The following RGS7 variants were observed in gnomAD, a reference collection of about 807,000 sequenced individuals.
RGS7 encodes regulator of G-protein signaling 7.
RGS7 carries 27 observed loss-of-function variants against 81.1 expected under a neutral mutation model. That is an observed-to-expected ratio of 0.33 (90% CI 0.25 to 0.46). RGS7 has a LOEUF of 0.46. Ranked by LOEUF, RGS7 falls within the 20% of genes least tolerant of loss-of-function variation. RGS7 has a pLI of 1.00. For missense variants in RGS7, 396 were observed against 607.4 expected (o/e 0.65, Z 3.66); for synonymous variants, 208 against 207.7 (o/e 1.00, Z -0.01).
In RGS7 at chr1:240,875,042, CAAAACAA is replaced by C. The variant is rs375641448; in HGVS notation, c.386-4930_386-4924del. 4.9e-3 allele frequency among the ~76,000 whole-genome samples: 740 copies of C among 151,308 alleles called. 6 individuals are homozygous for C. Among genetic ancestry groups the C allele is most frequent in the African/African-American group, 0.015 (622 of 41,270 alleles). On this transcript the variant is annotated intron_variant, in intron 6 of 18. Coordinates refer to ENST00000440928, the MANE Select transcript of RGS7 (RefSeq NM_001364886.1). The stretch of plus-strand genomic sequence containing the variant: ...GGGTGACAAGAGCGAAACTCCATCT[CAAAACAA>C]AAAACAAAAAACAAAAAACAAAAAA...
rs57588171 is a variant in RGS7 at position 241,111,618 on chromosome 1, T to TAAA, written c.79-12859_79-12857dup. On this transcript the variant is annotated intron_variant, in intron 2 of 18. Coordinates refer to ENST00000440928, the MANE Select transcript of RGS7 (RefSeq NM_001364886.1). ...TAGCAAGACCCCCCCTCTCTACAAG[T>TAAA]AAAAAAAAAAATGAAAAGACAAGTG... Among the ~76,000 whole-genome samples, 83 of 146,838 alleles carry TAAA rather than the reference T, an allele frequency of 5.7e-4. 1 individual carries two copies. The highest frequency in any genetic ancestry group is 8.1e-4 in the Admixed American group (12 of 14,760).
At chr1:240,857,667 G>A (rs370554978) in intron 9 of RGS7, among the ~76,000 whole-genome samples, 13 of 152,074 alleles carry the variant, frequency 8.5e-5, no homozygotes, top group African/African-American at 3.1e-4. Flanking sequence ...TCATTTGTAC[G>A]ATGCATTTAA....
intron 2 of RGS7, among the ~76,000 whole-genome samples, chr1:241,261,221 C>G (rs2077318003): frequency 6.6e-6 from 1 of 152,082 alleles, no homozygotes; most frequent in Admixed American, 6.5e-5. Flanking sequence ...GCTGGTGCCT[C>G]AAGTCATCCC....
At chr1:241,129,590 T>C (rs569164228) in intron 2 of RGS7, among the ~76,000 whole-genome samples, 1 of 152,318 alleles carries the variant, frequency 6.6e-6, no homozygotes, top group Admixed American at 6.5e-5. Flanking sequence ...ATTAAGTATA[T>C]TTTATAAGCC....
chr1:240,878,918 T>TCTTTTTATTTTTTC (rs1665931774), intron 6 of RGS7, among the ~76,000 whole-genome samples: 1 of 152,198 alleles, frequency 6.6e-6, no homozygotes, highest in Non-Finnish European at 1.5e-5. Flanking sequence ...AAGTTTTTTT[T>TCTTTTTATTTTTTC]CTTTTTATTT....
intron 3 of RGS7, among the ~76,000 whole-genome samples, chr1:241,026,524 C>T (rs1409964576): frequency 1.3e-5 from 2 of 151,600 alleles, no homozygotes; most frequent in South Asian, 2.1e-4. Flanking sequence ...GGGAGGCGGA[C>T]GTTGCAGTGA....
chr1:241,008,912 C>CA (rs33916247), intron 3 of RGS7, among the ~76,000 whole-genome samples: 909 of 77,570 alleles, frequency 0.012, no homozygotes, highest in Non-Finnish European at 0.016. Context: ...ACTCTGTCTC[C>CA]AAAAAAAAAA....
chr1:241,034,624 C>T (rs776807262), intron 3 of RGS7, among the ~76,000 whole-genome samples: 1 of 152,202 alleles, frequency 6.6e-6, no homozygotes, highest in African/African-American at 2.4e-5. Flanking sequence ...TAACATTACA[C>T]TTCTTGCTCT....
intron 3 of RGS7, among the ~76,000 whole-genome samples, chr1:240,986,358 T>C (rs1685665936): frequency 6.6e-6 from 1 of 152,220 alleles, no homozygotes; most frequent in Non-Finnish European, 1.5e-5. Flanking sequence ...TATCTTCATC[T>C]CTTTTTCCTG....
intron 3 of RGS7, among the ~76,000 whole-genome samples, chr1:241,072,006 G>T (rs1000551372): frequency 1.6e-4 from 25 of 152,016 alleles, no homozygotes; most frequent in African/African-American, 6.0e-4. Context: ...GAGTAAGTTG[G>T]AATTATTAGT....
At chr1:241,020,055 T>C (rs1276691591) in intron 3 of RGS7, among the ~76,000 whole-genome samples, 1 of 152,224 alleles carries the variant, frequency 6.6e-6, no homozygotes, top group Non-Finnish European at 1.5e-5. Context: ...TTCTAATCTG[T>C]GAGAATGTTA....
At chr1:240,831,648 T>C (rs957320947) in intron 9 of RGS7, among the ~76,000 whole-genome samples, 133 of 151,704 alleles carry the variant, frequency 8.8e-4, no homozygotes, top group Admixed American at 2.4e-3. Context: ...TTTTTTTTTT[T>C]TCCTGAGACG....
intron 2 of RGS7, among the ~76,000 whole-genome samples, chr1:241,264,167 T>C (rs1371167837): frequency 6.6e-6 from 1 of 152,206 alleles, no homozygotes; most frequent in African/African-American, 2.4e-5. Context: ...CCAAATAATT[T>C]GAACAAATTT....
In RGS7 at chr1:240,798,308, C is replaced by T. The variant is rs576118358; in HGVS notation, c.*6+2333G>A. Among the ~76,000 whole-genome samples, 81 of 152,272 alleles carry T rather than the reference C, an allele frequency of 5.3e-4. 1 individual carries two copies. Among genetic ancestry groups the T allele is most frequent in the African/African-American group, 1.8e-3 (76 of 41,564 alleles). ...TGAATCTGGGTAACTAACAAAAACT[C>T]CCCTGCAAAAGCTGGCTAGCAAAAT... On this transcript the variant is annotated intron_variant, in intron 18 of 18. Coordinates refer to ENST00000440928, the MANE Select transcript of RGS7 (RefSeq NM_001364886.1).
intron 2 of RGS7, among the ~76,000 whole-genome samples, chr1:241,229,664 C>T (rs146706592): frequency 6.6e-6 from 1 of 152,338 alleles, no homozygotes; most frequent in East Asian, 1.9e-4. Flanking sequence ...CCACTTCCTT[C>T]TTTCCTCCCC....
At chr1:241,201,578 A>G (rs1287970690) in intron 2 of RGS7, among the ~76,000 whole-genome samples, 2 of 152,146 alleles carry the variant, frequency 1.3e-5, no homozygotes, top group Non-Finnish European at 2.9e-5. Flanking sequence ...GGCCTTCACA[A>G]TCAGAATAAA....
chr1:240,910,994 T>C lies in RGS7; in HGVS notation c.385+19723A>G, dbSNP rs148587710. ...CTGGGATTACAGGCCTGAGCCATCA[T>C]ACCTGGCCAATTAAAAAAAAATTTT... On this transcript the variant is annotated intron_variant, in intron 6 of 18. Transcript: ENST00000440928. Among the ~76,000 whole-genome samples, 545 of 152,276 alleles carry C rather than the reference T, an allele frequency of 3.6e-3. 6 individuals carry two copies. Among genetic ancestry groups the C allele is most frequent in the African/African-American group, 0.012 (518 of 41,560 alleles).
chr1:240,793,007 T>A (rs749008031), intron 18 of RGS7, among the ~76,000 whole-genome samples: 1 of 152,158 alleles, frequency 6.6e-6, no homozygotes, highest in Non-Finnish European at 1.5e-5. Flanking sequence ...TGAAGCCTCA[T>A]AGCTACTGGC....
chr1:241,281,413 A>G (rs2078505249), intron 2 of RGS7, among the ~76,000 whole-genome samples: 1 of 152,198 alleles, frequency 6.6e-6, no homozygotes, highest in Non-Finnish European at 1.5e-5. Flanking sequence ...TCTCCAGTAA[A>G]TTGCCTATCA....
Sources: gnomAD v4.1 joint callset for allele counts (sites outside exome capture counted in the v4.1 genomes callset) on GRCh38, gnomAD v4.1.1 for gene constraint, MANE v1.5 for transcripts, NCBI Gene and HGNC (gene_info 2026-07-23, HGNC 2026-07-21) for gene names.